ELMOD3: variants seen among roughly 807,000 people sequenced by gnomAD.
ELMOD3 encodes ELMO domain-containing protein 3.
In ELMOD3, 36 loss-of-function variants were observed where a neutral mutation model predicts 47.4. That is an observed-to-expected ratio of 0.76 (90% CI 0.58 to 1.00). ELMOD3 has a LOEUF of 1.00. Ranked by LOEUF, ELMOD3 falls within the 50% of genes least tolerant of loss-of-function variation. The probability of loss-of-function intolerance (pLI) is 0.00; values close to 1 mark genes in which losing one functional copy is unlikely to be tolerated. For missense variants in ELMOD3, 404 were observed against 463.8 expected (o/e 0.87, Z 1.18); for synonymous variants, 149 against 183.5 (o/e 0.81, Z 1.52).
At chr2:85,387,210 AGCT>A in intron 11 of ELMOD3, 1 of 1,201,152 alleles carries the variant, frequency 8.3e-7, no homozygotes, top group African/African-American at 1.6e-5. Flanking sequence ...TGGTGTTCTC[AGCT>A]ACCCATGTTG....
chr2:85,360,913 T>C (rs917435105), intron 4 of ELMOD3: 3 of 171,872 alleles, frequency 1.7e-5, no homozygotes, highest in African/African-American at 4.8e-5. Flanking sequence ...TTTTTTTAGA[T>C]ACATGATACT....
rs57845724 is a variant in ELMOD3 at position 85,377,698 on chromosome 2, G to T, written c.738+224G>T. Among the ~76,000 whole-genome samples, 755 of 152,362 alleles carry T rather than the reference G, an allele frequency of 5.0e-3. 40 individuals are homozygous for T. In the East Asian group the frequency reaches 0.12, roughly 24 times the overall value. On this transcript the variant is annotated intron_variant, in intron 11 of 13. Coordinates refer to ENST00000409013, the MANE Select transcript of ELMOD3 (RefSeq NM_001135022.2). ...CCTCATCTGCAGAATGGAAATCATA[G>T]TGTTGTTAGAAATGCTTGTTCTTTG...
At chr2:85,383,854 T>A (rs953269501) in intron 11 of ELMOD3, among the ~76,000 whole-genome samples, 3 of 152,184 alleles carry the variant, frequency 2.0e-5, no homozygotes, top group African/African-American at 7.2e-5. Flanking sequence ...GAAAGTTTGT[T>A]TTTCCAAGGT....
intron 11 of ELMOD3, among the ~76,000 whole-genome samples, chr2:85,378,296 C>A (rs913697377): frequency 6.6e-6 from 1 of 152,172 alleles, no homozygotes; most frequent in Non-Finnish European, 1.5e-5. Flanking sequence ...TACAGTGTGA[C>A]CCTGAAAATC....
Position 85,369,801 on chromosome 2 carries a change from T to A in ELMOD3, c.331T>A (p.Phe111Ile), listed in dbSNP as rs1337275066. 2 of 1,614,142 alleles carry A rather than the reference T, an allele frequency of 1.2e-6. No individual in the cohort carries two copies. The highest frequency in any genetic ancestry group is 2.2e-5 in the South Asian group (2 of 91,078). The change falls in exon 8 of 14, where the codon TTC becomes ATC. Residue 111 changes from phenylalanine to isoleucine, a missense_variant. Coordinates refer to ENST00000409013, the MANE Select transcript of ELMOD3 (RefSeq NM_001135022.2). ...LISFSEALQH[F>I]QTVDLSPFKK... ...CTCCTTCAGTGAGGCCCTGCAGCACTTCCAGACTGTGGACCTTTCCCCCTT... is the reference window on the plus strand; with the variant it reads ...CTCCTTCAGTGAGGCCCTGCAGCACATCCAGACTGTGGACCTTTCCCCCTT...
At chr2:85,365,584 G>T (rs1684329069) in intron 6 of ELMOD3, among the ~76,000 whole-genome samples, 1 of 152,198 alleles carries the variant, frequency 6.6e-6, no homozygotes, top group South Asian at 2.1e-4. Flanking sequence ...CAGTATTTAT[G>T]TCACACGTAG....
intron 12 of ELMOD3, 55 bp downstream of exon 12, chr2:85,389,882 C>A: frequency 6.6e-7 from 1 of 1,521,118 alleles, no homozygotes; most frequent in East Asian, 2.3e-5. Flanking sequence ...TTGTTCGTCC[C>A]CACTCTGGCT....
chr2:85,357,010 C>A lies in ELMOD3; in HGVS notation c.-189C>A. On this transcript the variant is annotated 5_prime_UTR_variant, in exon 4 of 14. Coordinates refer to ENST00000409013, the MANE Select transcript of ELMOD3 (RefSeq NM_001135022.2). ...CTCAGAGGACTTCTCTCAGCACTCACAGAAACCTCCTACACCCTCGGATGG... is the reference window on the plus strand; with the variant it reads ...CTCAGAGGACTTCTCTCAGCACTCAAAGAAACCTCCTACACCCTCGGATGG... 2.1e-6 allele frequency: 1 copy of A among 485,498 alleles called. No homozygotes were observed. The highest frequency in any genetic ancestry group is 3.7e-6 in the Non-Finnish European group (1 of 273,726). 30.1% of individuals were successfully genotyped at this position (485,498 alleles called of 1,614,324 possible).
At chr2:85,389,947 C>A in intron 12 of ELMOD3, 120 bp downstream of exon 12, 1 of 1,087,778 alleles carries the variant, frequency 9.2e-7, no homozygotes, top group Non-Finnish European at 1.4e-6. Flanking sequence ...TGGACAAAGT[C>A]CCCATGCACC....
chr2:85,357,805 A>G lies in ELMOD3; in HGVS notation c.54+553A>G, dbSNP rs575438949. ...GTTCCAAAGAGGGAAGTCTTTGGAC[A>G]CTGGAGGGGACTGAATTGGAGAAGG... On this transcript the variant is annotated intron_variant, in intron 4 of 13. Transcript: ENST00000409013. Among the ~76,000 whole-genome samples the G allele has an allele frequency of 2.6e-5, 4 of 152,350 alleles. No individual in the cohort carries two copies. The South Asian group carries it at 8.3e-4, about 32-fold the overall frequency.
intron 6 of ELMOD3, among the ~76,000 whole-genome samples, chr2:85,366,904 C>G (rs1228646450): frequency 6.6e-6 from 1 of 152,166 alleles, no homozygotes; most frequent in Non-Finnish European, 1.5e-5. Flanking sequence ...TGGTATTAAA[C>G]TGGAGTCTCT....
chr2:85,364,412 C>T (rs1159716027), intron 6 of ELMOD3, among the ~76,000 whole-genome samples: 5 of 151,894 alleles, frequency 3.3e-5, no homozygotes, highest in Non-Finnish European at 7.4e-5. Flanking sequence ...AGTTAAACCC[C>T]GTCTCTAGTA....
chr2:85,373,347 T>C (rs1383568139), intron 10 of ELMOD3, among the ~76,000 whole-genome samples: 1 of 152,220 alleles, frequency 6.6e-6, no homozygotes, highest in Admixed American at 6.5e-5. Context: ...CTGTTCCCTC[T>C]CTCATCTATC....
At chr2:85,363,262 T>G (rs1684115484) in intron 6 of ELMOD3, 96 bp downstream of exon 6, 1 of 712,380 alleles carries the variant, frequency 1.4e-6, no homozygotes, top group African/African-American at 1.8e-5. Context: ...TCTCACTCCT[T>G]GTCTTTCAGA....
intron 10 of ELMOD3, among the ~76,000 whole-genome samples, chr2:85,373,919 C>CTTT (rs769671833): frequency 8.0e-6 from 1 of 124,582 alleles, no homozygotes; most frequent in Non-Finnish European, 1.7e-5. Context: ...TCCTAACCCT[C>CTTT]TTTTTTTTTT....
chr2:85,369,377 A>G (rs1370642673), intron 7 of ELMOD3, among the ~76,000 whole-genome samples: 1 of 152,218 alleles, frequency 6.6e-6, no homozygotes. Context: ...TAAGAAGGGA[A>G]AAGTGGAAAT....
At position 85,376,337 on chromosome 2, in the gene ELMOD3, CT is replaced by C. The variant is rs1027931678; in HGVS notation, c.608-1006del. Among the ~76,000 whole-genome samples, 4 of 152,194 alleles carry C rather than the reference CT, an allele frequency of 2.6e-5. No individual in the cohort carries two copies. The highest frequency in any genetic ancestry group is 3.2e-3 in the Middle Eastern group (1 of 316). On this transcript the variant is annotated intron_variant, in intron 10 of 13. Transcript: ENST00000409013. The surrounding 1 kb of genome is among the most constrained non-coding windows in gnomAD (Gnocchi z 4.2). ...AATCTTCTACTTTAGCAGGCCTCCC[CT>C]GTTACTGTGCCAGCAGGGGAAGGAG... is the stretch of plus-strand genomic sequence containing the variant.
chr2:85,374,192 C>T (rs1169529241), intron 10 of ELMOD3, among the ~76,000 whole-genome samples: 1 of 151,870 alleles, frequency 6.6e-6, no homozygotes, highest in African/African-American at 2.4e-5. Flanking sequence ...AGTTCATATT[C>T]TCTTTCTGCT....
In ELMOD3 at chr2:85,371,568, A is replaced by C. The variant is rs1287090551; in HGVS notation, c.607+6A>C. On this transcript the variant is annotated splice_donor_region_variant and intron_variant, in intron 10 of 13. Transcript: ENST00000409013. ...GGAGGACCTGGGCTTTCAGGGTAAGAGGGAGGAGTAGCTCATCTTCTTTTT... is the reference window on the plus strand; with the variant it reads ...GGAGGACCTGGGCTTTCAGGGTAAGCGGGAGGAGTAGCTCATCTTCTTTTT... 1.8e-5 allele frequency: 29 copies of C among 1,614,074 alleles called. No homozygotes were observed. The highest frequency in any genetic ancestry group is 2.5e-5 in the Non-Finnish European group (29 of 1,179,986).
Sources: allele counts gnomAD v4.1 joint callset (sites outside exome capture counted in the v4.1 genomes callset), GRCh38; gene constraint gnomAD v4.1.1; non-coding constraint Gnocchi (gnomAD v3.1); transcripts MANE v1.5; gene names NCBI Gene and HGNC (gene_info 2026-07-23, HGNC 2026-07-21).